The following CLCC1 variants were observed in gnomAD, a reference collection of about 807,000 sequenced individuals.
The protein encoded by CLCC1 is chloride channel CLIC like 1, also known as chloride channel CLIC-like protein 1.
Under a neutral mutation model 63.3 loss-of-function variants are expected in CLCC1, and 39 were observed. The ratio of observed to expected loss-of-function variants is 0.62; its 90% CI spans 0.48 to 0.81. The LOEUF is 0.81. Among genes scored for constraint, CLCC1 ranks in the 30% least tolerant of loss-of-function variants. The pLI is 0.00. For missense variants in CLCC1, 549 were observed against 669.4 expected, an observed-to-expected ratio of 0.82 and a Z score of 1.98; for synonymous variants, 217 against 239.8, an observed-to-expected ratio of 0.90 and a Z score of 0.88.
intron 11 of CLCC1, among the ~76,000 whole-genome samples, chr1:108,936,085 GTTTTTTTTTTTTTTT>G (rs530980387): frequency 1.1e-5 from 1 of 88,108 alleles, no homozygotes; most frequent in Non-Finnish European, 2.0e-5. Flanking sequence ...ATCTTAAGTT[GTTTTTTTTTTTTTTT>G]TTTTTTTTTT....
At chr1:108,951,964 G>T (rs1211820012) in intron 2 of CLCC1, among the ~76,000 whole-genome samples, 1 of 151,812 alleles carries the variant, frequency 6.6e-6, no homozygotes, top group Non-Finnish European at 1.5e-5. Flanking sequence ...TTTTTGTAGA[G>T]ATAGGGTCTC....
chr1:108,944,711 G>C (rs1189142273), intron 5 of CLCC1, among the ~76,000 whole-genome samples: 1 of 151,608 alleles, frequency 6.6e-6, no homozygotes, highest in Non-Finnish European at 1.5e-5. Context: ...CTCACTGCAA[G>C]CTCCACCTCC....
chr1:108,949,723 C>T (rs1279185602), intron 4 of CLCC1, 97 bp downstream of exon 4: 5 of 658,532 alleles, frequency 7.6e-6, no homozygotes, highest in African/African-American at 5.8e-5. Flanking sequence ...ATACGGTACA[C>T]GGAAACACTA....
intron 2 of CLCC1, among the ~76,000 whole-genome samples, chr1:108,950,748 C>G (rs1324363635): frequency 2.0e-5 from 3 of 151,934 alleles, no homozygotes; most frequent in African/African-American, 7.3e-5. Flanking sequence ...CTCCTGGCCT[C>G]AACTGATCCT....
At chr1:108,935,976 A>T (rs747107689) in intron 11 of CLCC1, among the ~76,000 whole-genome samples, 1 of 151,774 alleles carries the variant, frequency 6.6e-6, no homozygotes, top group Non-Finnish European at 1.5e-5. Context: ...CTTCCAGGCC[A>T]TTGTAATACT....
At chr1:108,963,166 C>G (rs1656891235) in intron 1 of CLCC1, among the ~76,000 whole-genome samples, 195 bp downstream of exon 1, 1 of 152,216 alleles carries the variant, frequency 6.6e-6, no homozygotes, top group Non-Finnish European at 1.5e-5. Context: ...AGGCAGCCGC[C>G]GGCGCGGGAG....
At position 108,931,108 on chromosome 1, in the gene CLCC1, G is replaced by A. The variant is rs184903366; in HGVS notation, c.*1439C>T. 37 of 377,936 alleles carry A rather than the reference G, an allele frequency of 9.8e-5. No individual in the cohort carries two copies. Among genetic ancestry groups the A allele is most frequent in the Non-Finnish European group, 1.5e-4 (31 of 212,288 alleles). The allele number at this position is 377,936 out of a possible 1,614,324, so 23.4% of individuals were successfully genotyped here. A position where few individuals can be genotyped will look rare whatever the true frequency, so the allele number is the denominator to read the frequency against. ...CTGTTTAAAAAAATTATTTAAAATG[G>A]TCTCTTCTGTTCCATAATACTGCTG... is the stretch of plus-strand genomic sequence containing the variant. On this transcript the variant is annotated 3_prime_UTR_variant, in exon 13 of 13. Transcript: ENST00000369969.
At chr1:108,957,817 A>G (rs517013) in intron 2 of CLCC1, among the ~76,000 whole-genome samples, 84,357 of 151,004 alleles carry the variant, frequency 0.56, 24,354 homozygotes, top group African/African-American at 0.63. Flanking sequence ...CAGTGGGACT[A>G]CATTTGAGAA....
At chr1:108,962,728 G>A (rs1656818357) in intron 1 of CLCC1, among the ~76,000 whole-genome samples, 1 of 152,002 alleles carries the variant, frequency 6.6e-6, no homozygotes, top group Non-Finnish European at 1.5e-5. Flanking sequence ...CAAATTAGCC[G>A]GGCCTGGTGG....
intron 10 of CLCC1, among the ~76,000 whole-genome samples, chr1:108,938,806 C>G (rs1321321515): frequency 1.3e-5 from 2 of 152,174 alleles, no homozygotes; most frequent in East Asian, 3.8e-4. Flanking sequence ...CAGAAATCAA[C>G]TTCCTATTTC....
chr1:108,942,506 T>C (rs1211282821), intron 7 of CLCC1, among the ~76,000 whole-genome samples: 1 of 152,206 alleles, frequency 6.6e-6, no homozygotes, highest in Admixed American at 6.5e-5. Flanking sequence ...GATGAAATCA[T>C]TGAAAATACT....
At chr1:108,954,813 T>TG (rs1655655673) in intron 2 of CLCC1, among the ~76,000 whole-genome samples, 1 of 133,434 alleles carries the variant, frequency 7.5e-6, no homozygotes, top group Non-Finnish European at 1.6e-5. Flanking sequence ...GGGCACTGTC[T>TG]TTGCGTGTGT....
Position 108,947,856 on chromosome 1 carries a change from A to C in CLCC1, c.232-138T>G, listed in dbSNP as rs563460962. The C allele has an allele frequency of 1.1e-5, 7 of 614,346 alleles. No individual in the cohort carries two copies. The African/African-American group carries it at 1.3e-4, about 11-fold the overall frequency. The allele number at this position is 614,346 out of a possible 1,614,324, so 38.1% of individuals were successfully genotyped here. ...CAAGTTTGCATTTATCAGCTATAAT[A>C]CATTACAGTGCAGAGCTGGCCTGCT... On this transcript the variant is annotated intron_variant, in intron 4 of 12. Coordinates refer to ENST00000369969, the MANE Select transcript of CLCC1 (RefSeq NM_001377458.1).
At chr1:108,941,542 A>C (rs1210060219) in intron 7 of CLCC1, 44 bp from the exon 8 acceptor site, 1 of 1,506,390 alleles carries the variant, frequency 6.6e-7, no homozygotes, top group East Asian at 2.3e-5. Context: ...GTTACCTATG[A>C]AGGTTAGGCC....
chr1:108,933,120 G>A (rs1157926626), intron 12 of CLCC1: 1 of 151,712 alleles, frequency 6.6e-6, no homozygotes, highest in Non-Finnish European at 1.5e-5. Context: ...CAAAGTGCTA[G>A]GACTGTAGGC....
Position 108,931,901 on chromosome 1 carries a change from C to A in CLCC1, c.*646G>T, listed in dbSNP as rs947140006. ...TTTGTGTATACAATAGTTCTTACAG[C>A]CTGTAAACATTCAACATTATTCCAT... On this transcript the variant is annotated 3_prime_UTR_variant, in exon 13 of 13. Transcript: ENST00000369969. The A allele has an allele frequency of 1.9e-5, 3 of 157,246 alleles. No homozygotes were observed. Among genetic ancestry groups the A allele is most frequent in the African/African-American group, 7.2e-5 (3 of 41,448 alleles). The allele number at this position is 157,246 out of a possible 1,614,324, so 9.7% of individuals were successfully genotyped here.
intron 2 of CLCC1, among the ~76,000 whole-genome samples, chr1:108,956,940 G>C (rs748801789): frequency 4.1e-5 from 6 of 146,206 alleles, no homozygotes; most frequent in Non-Finnish European, 9.0e-5. Context: ...AAAGAGTGTG[G>C]TTTTTACTCT....
At position 108,930,593 on chromosome 1, in the gene CLCC1, A is replaced by AAAAAT. The variant is rs1320058061; in HGVS notation, c.*1949_*1953dup. The AAAAAT allele has an allele frequency of 6.6e-6, 1 of 151,814 alleles. No homozygotes were observed. Among genetic ancestry groups the AAAAAT allele is most frequent in the African/African-American group, 2.4e-5 (1 of 41,156 alleles). 9.4% of individuals were successfully genotyped at this position (151,814 alleles called of 1,614,324 possible). A position where few individuals can be genotyped will look rare whatever the true frequency, so the allele number is the denominator to read the frequency against. On this transcript the variant is annotated 3_prime_UTR_variant, in exon 13 of 13. Transcript: ENST00000369969. ...GGCAACATAGACCCCCGTGTCTATG[A>AAAAAT]AAAATAAATCAGCAGCCAGGCGCAG...
chr1:108,941,386 A>C lies in CLCC1; in HGVS notation c.796+19T>G. On this transcript the variant is annotated intron_variant, in intron 8 of 12. Coordinates refer to ENST00000369969, the MANE Select transcript of CLCC1 (RefSeq NM_001377458.1). ...CAGAATTTCTATTCAAAATAAGGACAAGTGCACAAACACCTTACCCCAGAT... is the reference window on the plus strand; with the variant it reads ...CAGAATTTCTATTCAAAATAAGGACCAGTGCACAAACACCTTACCCCAGAT... The C allele has an allele frequency of 6.3e-7, 1 of 1,593,990 alleles. No homozygotes were observed. The highest frequency in any genetic ancestry group is 8.6e-7 in the Non-Finnish European group (1 of 1,165,038).
Sources: gnomAD v4.1 joint callset for allele counts (sites outside exome capture counted in the v4.1 genomes callset) on GRCh38, gnomAD v4.1.1 for gene constraint, MANE v1.5 for transcripts, NCBI Gene and HGNC (gene_info 2026-07-23, HGNC 2026-07-21) for gene names.